The following RPS29 variants were observed in gnomAD, a reference collection of about 807,000 sequenced individuals.
The protein encoded by RPS29 is small ribosomal subunit protein uS14.
For missense variants in RPS29, 60 were observed against 75.7 expected, an observed-to-expected ratio of 0.79 and a Z score of 0.77; for synonymous variants, 37 against 26.9, an observed-to-expected ratio of 1.37 and a Z score of -1.16.
downstream of RPS29, among the ~76,000 whole-genome samples, chr14:49,583,099 A>C (rs928917867): frequency 1.3e-5 from 2 of 152,158 alleles, no homozygotes; most frequent in African/African-American, 2.4e-5. Context: ...CTGACCTCCC[A>C]AAGTGCTGGG....
chr14:49,572,841 G>A (rs1881087099), exon 3 of RPS29: 1 of 152,252 alleles, frequency 6.6e-6, no homozygotes, highest in Non-Finnish European at 1.5e-5. Flanking sequence ...GGCCAAGGCA[G>A]GTGGATCTCT....
downstream of RPS29, among the ~76,000 whole-genome samples, chr14:49,581,769 C>G (rs935107295): frequency 5.9e-5 from 9 of 152,056 alleles, no homozygotes; most frequent in Non-Finnish European, 1.3e-4. Flanking sequence ...TGGTGCTCAC[C>G]TGTAATCCCA....
upstream of RPS29, chr14:49,586,661 G>C: frequency 2.5e-6 from 1 of 394,930 alleles, no homozygotes; most frequent in Non-Finnish European, 4.8e-6. Flanking sequence ...AGGAGTTCTG[G>C]GCTGTAGTGC....
upstream of RPS29, among the ~76,000 whole-genome samples, chr14:49,588,653 G>A (rs1020423685): frequency 1.3e-5 from 2 of 151,486 alleles, no homozygotes; most frequent in African/African-American, 2.4e-5. Flanking sequence ...TCAGCCTCCC[G>A]AGTTGCTGAA....
At chr14:49,581,707 C>T (rs984444813), downstream of RPS29, among the ~76,000 whole-genome samples, 7 of 152,226 alleles carry the variant, frequency 4.6e-5, no homozygotes, top group Non-Finnish European at 7.3e-5. Flanking sequence ...CTCCTATCTC[C>T]TGTATCGGTT....
chr14:49,582,418 C>A (rs1881367084), downstream of RPS29, among the ~76,000 whole-genome samples: 1 of 152,256 alleles, frequency 6.6e-6, no homozygotes, highest in Non-Finnish European at 1.5e-5. Flanking sequence ...AGAATCTATG[C>A]TGTAACCTCT....
At chr14:49,590,616 G>A (rs1169007165), upstream of RPS29, among the ~76,000 whole-genome samples, 1 of 151,864 alleles carries the variant, frequency 6.6e-6, no homozygotes, top group Non-Finnish European at 1.5e-5. Context: ...TACATGTTTC[G>A]CATGTTTGGT....
downstream of RPS29, among the ~76,000 whole-genome samples, chr14:49,583,187 T>C (rs1269156664): frequency 6.6e-6 from 1 of 152,178 alleles, no homozygotes; most frequent in Admixed American, 6.5e-5. Flanking sequence ...GCTGGTATGA[T>C]TTTATGTTAA....
chr14:49,591,612 CAATTT>C (rs1881712011), intron 1 of RPS29, among the ~76,000 whole-genome samples: 1 of 148,458 alleles, frequency 6.7e-6, no homozygotes, highest in Non-Finnish European at 1.5e-5. Context: ...ATGCCTGGCC[CAATTT>C]GATTTTTTTT....
At chr14:49,580,969 T>C (rs368084742), downstream of RPS29, among the ~76,000 whole-genome samples, 1 of 152,032 alleles carries the variant, frequency 6.6e-6, no homozygotes, top group African/African-American at 2.4e-5. Flanking sequence ...GCAGATCACC[T>C]GAGGTCTGGA....
Position 49,577,927 on chromosome 14 carries a change from G to A in RPS29, c.163-74C>T, listed in dbSNP as rs373340251. 7 of 1,035,858 alleles carry A rather than the reference G, an allele frequency of 6.8e-6. No homozygotes were observed. In the African/African-American group the frequency reaches 8.0e-5, roughly 12 times the overall value. 64.2% of individuals were successfully genotyped at this position (1,035,858 alleles called of 1,614,324 possible). ...CAACCAAATTCAATAAATTTGTACT[G>A]CATGCCTGCCCTGTGAAACATGTTA... On this transcript the variant is annotated intron_variant, in intron 2 of 2. Coordinates refer to the RPS29 transcript ENST00000396020.
downstream of RPS29, among the ~76,000 whole-genome samples, chr14:49,579,116 G>C (rs1462111429): frequency 6.6e-6 from 1 of 152,084 alleles, no homozygotes; most frequent in African/African-American, 2.4e-5. Flanking sequence ...TAGGAGGTGG[G>C]GCATTTTGGA....
At chr14:49,590,719 C>G (rs1467675734), upstream of RPS29, among the ~76,000 whole-genome samples, 1 of 147,784 alleles carries the variant, frequency 6.8e-6, no homozygotes, top group Non-Finnish European at 1.5e-5. Flanking sequence ...GAGACGGAGT[C>G]TCACTCTGTC....
At chr14:49,574,312 T>A (rs1594564894) in exon 3 of RPS29, 1 of 152,346 alleles carries the variant, frequency 6.6e-6, no homozygotes, top group East Asian at 1.9e-4. Flanking sequence ...CTTACACTCT[T>A]ACAACATTAT....
chr14:49,573,124 G>GAA (rs1555322431), exon 3 of RPS29: 2 of 148,440 alleles, frequency 1.3e-5, no homozygotes, highest in African/African-American at 5.1e-5. Context: ...AAGAAAGAAA[G>GAA]AGAAAGAAAG....
chr14:49,584,178 G>A (rs919965052), intron 2 of RPS29, among the ~76,000 whole-genome samples: 1 of 152,172 alleles, frequency 6.6e-6, no homozygotes. Flanking sequence ...TCGCCATGTT[G>A]GCAAGGCTTG....
exon 1 of RPS29, chr14:49,598,463 C>A (rs969021862): frequency 4.3e-6 from 3 of 702,366 alleles, no homozygotes; most frequent in Non-Finnish European, 7.8e-6. Context: ...ATAAAGCCCC[C>A]CTTCGACGTG....
At chr14:49,590,403 G>C (rs1327926053), upstream of RPS29, among the ~76,000 whole-genome samples, 1 of 151,982 alleles carries the variant, frequency 6.6e-6, no homozygotes, top group Non-Finnish European at 1.5e-5. Flanking sequence ...TTAAACCCAG[G>C]AGGCAGAGCT....
chr14:49,589,303 G>C (rs1322766336), upstream of RPS29, among the ~76,000 whole-genome samples: 1 of 149,212 alleles, frequency 6.7e-6, no homozygotes, highest in Non-Finnish European at 1.5e-5. Flanking sequence ...GAAGTGCAAA[G>C]AAAAAGAAAA....
Sources: allele counts gnomAD v4.1 joint callset (sites outside exome capture counted in the v4.1 genomes callset), GRCh38; gene constraint gnomAD v4.1.1; transcripts MANE v1.5; gene names NCBI Gene and HGNC (gene_info 2026-07-23, HGNC 2026-07-21).